Variants in DAGLA observed in about 807,000 individuals in gnomAD.
DAGLA encodes the protein diacylglycerol lipase alpha.
Under a neutral mutation model 102.6 loss-of-function variants are expected in DAGLA, and 22 were observed. The observed-to-expected ratio is 0.21, with a 90% CI of 0.15 to 0.31. The LOEUF (loss-of-function observed/expected upper bound fraction) is 0.31. Ranked by LOEUF, DAGLA falls within the 10% of genes least tolerant of loss-of-function variation. The probability of loss-of-function intolerance (pLI) is 1.00; values close to 1 mark genes in which losing one functional copy is unlikely to be tolerated. For synonymous variants in DAGLA, 578 were observed against 628.9 expected (o/e 0.92, Z 1.21); for missense variants, 927 against 1,446.6 (o/e 0.64, Z 5.83).
intron 1 of DAGLA, among the ~76,000 whole-genome samples, chr11:61,705,044 G>T (rs1052856542): frequency 2.0e-5 from 3 of 152,132 alleles, no homozygotes; most frequent in African/African-American, 7.2e-5. Flanking sequence ...ACTGGGGGGA[G>T]GGGGAGGACA....
At chr11:61,700,183 G>T (rs2065098578) in intron 1 of DAGLA, among the ~76,000 whole-genome samples, 1 of 152,228 alleles carries the variant, frequency 6.6e-6, no homozygotes, top group Non-Finnish European at 1.5e-5. Flanking sequence ...TTGGGGCACT[G>T]GTCCTGGGTT....
chr11:61,731,619 G>C (rs1591048721), intron 9 of DAGLA, among the ~76,000 whole-genome samples, 178 bp downstream of exon 9: 1 of 152,322 alleles, frequency 6.6e-6, no homozygotes, highest in East Asian at 1.9e-4. Flanking sequence ...GTAGGCTTCG[G>C]AGTCACACAG....
intron 1 of DAGLA, among the ~76,000 whole-genome samples, chr11:61,682,105 AC>A (rs1460680466): frequency 3.3e-5 from 5 of 151,974 alleles, no homozygotes; most frequent in Non-Finnish European, 7.4e-5. Context: ...GTTCCCTATA[AC>A]CGGAGCACTG....
intron 1 of DAGLA, among the ~76,000 whole-genome samples, chr11:61,719,876 G>A (rs985525982): frequency 1.3e-5 from 2 of 152,204 alleles, no homozygotes; most frequent in African/African-American, 2.4e-5. Flanking sequence ...CTAGTGGCCA[G>A]TACCAGTCTC....
intron 9 of DAGLA, among the ~76,000 whole-genome samples, chr11:61,732,889 C>T (rs983707165): frequency 3.3e-5 from 5 of 152,286 alleles, no homozygotes; most frequent in South Asian, 2.1e-4. Flanking sequence ...CAGAGCACAG[C>T]GAGCCAGGCC....
chr11:61,733,561 G>T (rs542285789), intron 9 of DAGLA, among the ~76,000 whole-genome samples: 7 of 152,228 alleles, frequency 4.6e-5, no homozygotes, highest in Non-Finnish European at 8.8e-5. Context: ...GCCCAGTCAC[G>T]TGGGCTCCAG....
intron 19 of DAGLA, among the ~76,000 whole-genome samples, chr11:61,742,587 C>G (rs2065489929): frequency 6.6e-6 from 1 of 152,216 alleles, no homozygotes; most frequent in Non-Finnish European, 1.5e-5. Context: ...GGGCACTAGG[C>G]TCCCCACCCA....
At chr11:61,699,654 G>A (rs1043837179) in intron 1 of DAGLA, among the ~76,000 whole-genome samples, 9 of 152,194 alleles carry the variant, frequency 5.9e-5, no homozygotes, top group African/African-American at 1.7e-4. Context: ...TCTTCCCTGC[G>A]CTGCTTCTGT....
At chr11:61,720,320 AT>A (rs1303746281) in intron 2 of DAGLA, 70 bp downstream of exon 2, 1 of 1,496,528 alleles carries the variant, frequency 6.7e-7, no homozygotes, top group African/African-American at 1.4e-5. Context: ...CTTTCTGGCC[AT>A]TTGTTCCTCC....
intron 1 of DAGLA, among the ~76,000 whole-genome samples, chr11:61,690,019 A>G (rs936386738): frequency 6.6e-6 from 1 of 152,032 alleles, no homozygotes; most frequent in African/African-American, 2.4e-5. Flanking sequence ...CTCCAGGGCA[A>G]TGGGAGTGCA....
chr11:61,689,908 G>A (rs569461079), intron 1 of DAGLA, among the ~76,000 whole-genome samples: 8 of 152,192 alleles, frequency 5.3e-5, no homozygotes, highest in Non-Finnish European at 1.0e-4. Context: ...GAGTCTCCCC[G>A]CACAAAGCCC....
chr11:61,732,117 C>A (rs1187164797), intron 9 of DAGLA, among the ~76,000 whole-genome samples: 1 of 152,218 alleles, frequency 6.6e-6, no homozygotes, highest in African/African-American at 2.4e-5. Context: ...CCAGGAGGAA[C>A]CCCTCCCTGT....
chr11:61,706,394 T>A (rs1235668894), intron 1 of DAGLA, among the ~76,000 whole-genome samples: 3 of 152,224 alleles, frequency 2.0e-5, no homozygotes, highest in Admixed American at 6.5e-5. Flanking sequence ...ACCTGGTGTC[T>A]GCACCCCACC....
At position 61,734,966 on chromosome 11, in the gene DAGLA, T is replaced by G; in HGVS notation, c.1092T>G (p.Thr364=). The G allele has an allele frequency of 6.2e-7, 1 of 1,613,992 alleles. No individual in the cohort carries two copies. Among genetic ancestry groups the G allele is most frequent in the Admixed American group, 1.7e-5 (1 of 60,024 alleles). Residue 364 remains threonine, a synonymous_variant, in exon 10 of 20, where the codon ACT becomes ACG. Transcript: ENST00000257215. This position sits in a 1 kb window ranked among gnomAD's most constrained non-coding sequence, Gnocchi z 4.2. The stretch of plus-strand genomic sequence containing the variant: ...GCCACTTCCTGGACGAGAACATGAC[T>G]GCGGTGGACATCGTCTATACCTCCT... The part of the protein sequence containing the change: ...IRRHFLDENM[T]AVDIVYTSCH...
At chr11:61,727,246 C>T (rs1274578876) in intron 6 of DAGLA, among the ~76,000 whole-genome samples, 1 of 152,252 alleles carries the variant, frequency 6.6e-6, no homozygotes, top group East Asian at 1.9e-4. Flanking sequence ...TTTCCATAAA[C>T]TTCTGTATTT....
rs1052754861 is a variant in DAGLA, at chr11:61,734,718, T to C, written c.975-131T>C. ...TTGGTGACGTGGGGGTCACTAGGAC[T>C]TAGCAAGGGCAATTTGGTAGAGGCA... is the stretch of plus-strand genomic sequence containing the variant. On this transcript the variant is annotated intron_variant, in intron 9 of 19. Transcript: ENST00000257215. This position sits in a 1 kb window ranked among gnomAD's most constrained non-coding sequence, Gnocchi z 4.2. 2 of 848,432 alleles carry C rather than the reference T, an allele frequency of 2.4e-6. No individual in the cohort carries two copies. The highest frequency in any genetic ancestry group is 3.4e-5 in the African/African-American group (2 of 59,646). 52.6% of individuals were successfully genotyped at this position (848,432 alleles called of 1,614,324 possible).
chr11:61,691,694 G>A (rs557187048), intron 1 of DAGLA, among the ~76,000 whole-genome samples: 1 of 152,258 alleles, frequency 6.6e-6, no homozygotes, highest in South Asian at 2.1e-4. Context: ...ATAAAGTGGA[G>A]TGAACCCACC....
chr11:61,726,237 G>A (rs1195511898), intron 6 of DAGLA, among the ~76,000 whole-genome samples, 155 bp downstream of exon 6: 1 of 152,222 alleles, frequency 6.6e-6, no homozygotes, highest in Non-Finnish European at 1.5e-5. Flanking sequence ...CACAGGGCCT[G>A]TTATTCACTG....
In DAGLA at chr11:61,737,239, A is replaced by G; in HGVS notation, c.1429A>G (p.Thr477Ala). The G allele has an allele frequency of 1.9e-6, 3 of 1,613,390 alleles. No homozygotes were observed. The highest frequency in any genetic ancestry group is 2.5e-6 in the Non-Finnish European group (3 of 1,180,024). Reference sequence around the variant, plus strand: ...GGTGGGCCACTCCCTGGGCGCGGGCACTGCTGCCATCCTCTCCTTCCTTCT... The same window carrying G: ...GGTGGGCCACTCCCTGGGCGCGGGCGCTGCTGCCATCCTCTCCTTCCTTCT... ...IVVGHSLGAGTAAILSFLLRP... is the reference protein window; with the variant it reads ...IVVGHSLGAGAAAILSFLLRP... Residue 477 changes from threonine (T) to alanine (A), a missense_variant, in exon 14 of 20, where the codon ACT becomes GCT. Thr to Ala is a moderately conservative substitution (Grantham distance 58). This residue lies in a region of DAGLA where 218 missense variants were observed against 459.6 expected (regional missense o/e 0.47). Transcript: ENST00000257215.
Sources: allele counts gnomAD v4.1 joint callset (sites outside exome capture counted in the v4.1 genomes callset), GRCh38; gene constraint gnomAD v4.1.1; regional missense constraint gnomAD v4.1.1; non-coding constraint Gnocchi (gnomAD v3.1); transcripts MANE v1.5; gene names NCBI Gene and HGNC (gene_info 2026-07-23, HGNC 2026-07-21).